Variants in PLCD1 observed in about 807,000 individuals in gnomAD.
The protein encoded by PLCD1 is 1-phosphatidylinositol 4,5-bisphosphate phosphodiesterase delta-1.
Under a neutral mutation model 87.4 loss-of-function variants are expected in PLCD1, and 71 were observed. The ratio of observed to expected loss-of-function variants is 0.81; its 90% CI spans 0.67 to 0.99. PLCD1 has a LOEUF of 0.99. Ranked by LOEUF, PLCD1 falls within the 50% of genes least tolerant of loss-of-function variation. PLCD1 has a pLI of 0.00. For missense variants in PLCD1, 867 were observed against 1,001.5 expected, an observed-to-expected ratio of 0.87 and a Z score of 1.81; for synonymous variants, 348 against 399.2, an observed-to-expected ratio of 0.87 and a Z score of 1.53.
At chr3:38,024,461 G>C in intron 1 of PLCD1, 1 of 1,600,036 alleles carries the variant, frequency 6.2e-7, no homozygotes, top group Non-Finnish European at 8.5e-7. Context: ...CTGCCTGCGC[G>C]GAGCCGGGTC....
chr3:38,024,418 T>A (rs764553838), intron 1 of PLCD1: 1 of 1,612,178 alleles, frequency 6.2e-7, no homozygotes, highest in Non-Finnish European at 8.5e-7. Flanking sequence ...CGGCTCCGGA[T>A]CCCCAGGCAC....
rs1469086103 is a variant in PLCD1, at chr3:38,017,609, T to C, written c.200-890A>G. 6.6e-6 allele frequency among the ~76,000 whole-genome samples: 1 copy of C among 152,106 alleles called. No homozygotes were observed. The highest frequency in any genetic ancestry group is 1.9e-4 in the East Asian group (1 of 5,170). ...CATGGCCTGGCCAGGAGCCAGTTCT[T>C]CCAGTCAGGCTCATGCTGTGCCTCC... is the stretch of plus-strand genomic sequence containing the variant. On this transcript the variant is annotated intron_variant, in intron 2 of 14. Transcript: ENST00000334661. This position sits in a 1 kb window ranked among gnomAD's most constrained non-coding sequence, Gnocchi z 4.7.
Position 38,007,766 on chromosome 3 carries a change from C to T in PLCD1, c.*7G>A. The stretch of plus-strand genomic sequence containing the variant: ...ACTCAGGGGGGACCCCACTGGCTTC[C>T]TCCAGCCTAGTCCTGGAGGGAGATC... On this transcript the variant is annotated 3_prime_UTR_variant, in exon 15 of 15. Transcript: ENST00000334661. The T allele has an allele frequency of 3.1e-6, 5 of 1,612,004 alleles. No homozygotes were observed. Among genetic ancestry groups the T allele is most frequent in the Non-Finnish European group, 4.2e-6 (5 of 1,178,232 alleles).
At chr3:38,009,625 T>C (rs753862085) in intron 9 of PLCD1, 28 bp downstream of exon 9, 32 of 1,613,552 alleles carry the variant, frequency 2.0e-5, no homozygotes, top group Non-Finnish European at 2.6e-5. Flanking sequence ...AGGCCCGGGC[T>C]GCCCCACCCC....
At chr3:38,007,981 C>G (rs1402493103) in intron 14 of PLCD1, 33 bp downstream of exon 14, 1 of 1,613,918 alleles carries the variant, frequency 6.2e-7, no homozygotes, top group South Asian at 1.1e-5. Flanking sequence ...CTGCTTCCCA[C>G]CACCTTGGCC....
At chr3:38,007,987 T>C in intron 14 of PLCD1, 27 bp downstream of exon 14, 1 of 1,614,006 alleles carries the variant, frequency 6.2e-7, no homozygotes, top group Non-Finnish European at 8.5e-7. Context: ...CCCACCACCT[T>C]GGCCATCCCC....
Position 38,008,077 on chromosome 3 carries a change from CAT to C in PLCD1, c.2120_2121del (p.Tyr707Ter). The C allele has an allele frequency of 6.2e-7, 1 of 1,614,192 alleles. No homozygotes were observed. Among genetic ancestry groups the C allele is most frequent in the South Asian group, 1.1e-5 (1 of 91,080 alleles). ...ATGAAGTCATTCTTGGAGGAGGCAT[CAT>C]AATCTTCCACCAAGAAGCGGATGAG... ...LALIRFLVED[Y>X]DASSKNDFIG... On this transcript the variant is annotated frameshift_variant, in exon 14 of 15. Coordinates refer to ENST00000334661, the MANE Select transcript of PLCD1 (RefSeq NM_006225.4). LOFTEE classifies it high-confidence loss of function.
chr3:38,008,734 A>G, intron 11 of PLCD1, 98 bp from the exon 12 acceptor site: 1 of 1,096,278 alleles, frequency 9.1e-7, no homozygotes, highest in Non-Finnish European at 1.4e-6. Flanking sequence ...TCACATGGTG[A>G]GTTAGCAGGG....
chr3:38,008,795 C>G, intron 11 of PLCD1, 159 bp from the exon 12 acceptor site: 1 of 709,004 alleles, frequency 1.4e-6, no homozygotes, highest in Non-Finnish European at 2.5e-6. Flanking sequence ...CAGTGACCCA[C>G]CATGCTAACC....
At chr3:38,019,671 G>T (rs1700204780) in intron 2 of PLCD1, among the ~76,000 whole-genome samples, 1 of 152,136 alleles carries the variant, frequency 6.6e-6, no homozygotes, top group South Asian at 2.1e-4. Flanking sequence ...AGACCCACAA[G>T]GGCTCCCCAG....
intron 5 of PLCD1, among the ~76,000 whole-genome samples, chr3:38,011,001 G>A (rs370658060): frequency 1.3e-5 from 2 of 152,360 alleles, no homozygotes; most frequent in African/African-American, 4.8e-5. Context: ...GGTGCCAAGA[G>A]GGAAACAGGA....
chr3:38,014,996 A>G (rs1700134030), intron 3 of PLCD1, among the ~76,000 whole-genome samples: 1 of 152,252 alleles, frequency 6.6e-6, no homozygotes, highest in South Asian at 2.1e-4. Flanking sequence ...ACCCTCGTAT[A>G]CTGCTGGTGG....
At chr3:38,020,155 C>T (rs773243069) in intron 2 of PLCD1, 33 bp downstream of exon 2, 1 of 1,599,206 alleles carries the variant, frequency 6.3e-7, no homozygotes. Context: ...ATTCCACACT[C>T]TATCCCCTCC....
In PLCD1 at chr3:38,009,755, A is replaced by G; in HGVS notation, c.1344T>C (p.Pro448=). The G allele has an allele frequency of 6.2e-7, 1 of 1,613,794 alleles. No individual in the cohort carries two copies. Among genetic ancestry groups the G allele is most frequent in the Non-Finnish European group, 8.5e-7 (1 of 1,179,778 alleles). The change falls in exon 9 of 15, where the codon CCT becomes CCC. Residue 448 remains proline, a synonymous_variant. Coordinates refer to ENST00000334661, the MANE Select transcript of PLCD1 (RefSeq NM_006225.4). ...KGKKLGGLLP[P]GGEGGPEATV... Reference sequence around the variant, plus strand: ...TGGCCTCAGGGCCACCCTCCCCTCCAGGGGGCAGGAGCCCCCCGAGCTTCT... The same window carrying G: ...TGGCCTCAGGGCCACCCTCCCCTCCGGGGGGCAGGAGCCCCCCGAGCTTCT...
intron 3 of PLCD1, among the ~76,000 whole-genome samples, chr3:38,013,452 A>G (rs1700113185): frequency 6.6e-6 from 1 of 152,046 alleles, no homozygotes; most frequent in African/African-American, 2.4e-5. Flanking sequence ...TGACCTGGTG[A>G]TCCACCTGCC....
Position 38,010,382 on chromosome 3 carries a change from CTGGG to C in PLCD1, c.967_970del (p.Pro323AlafsTer77). The C allele has an allele frequency of 6.2e-7, 1 of 1,614,218 alleles. No homozygotes were observed. Among genetic ancestry groups the C allele is most frequent in the Non-Finnish European group, 8.5e-7 (1 of 1,180,038 alleles). ...GCACCGGATGTAGGCTTCAGTGCTG[CTGGG>C]CCCGGCTAGCTGGTCCTCCAGCAGG... On this transcript the variant is annotated frameshift_variant, in exon 6 of 15. Transcript: ENST00000334661. LOFTEE classifies it high-confidence loss of function.
rs1473472182 is a variant in PLCD1, at chr3:38,011,136, G to T, written c.790+78C>A. 4 of 1,146,714 alleles carry T rather than the reference G, an allele frequency of 3.5e-6. No homozygotes were observed. The Admixed American group carries it at 6.4e-5, about 18-fold the overall frequency. The allele number at this position is 1,146,714 out of a possible 1,614,324, so 71.0% of individuals were successfully genotyped here. ...CCTTCCCTCCGGTTCCCTTCTTTCTGGCTGCAGTCTCCCCAGGGGTCTCCC... is the reference window on the plus strand; with the variant it reads ...CCTTCCCTCCGGTTCCCTTCTTTCTTGCTGCAGTCTCCCCAGGGGTCTCCC... On this transcript the variant is annotated intron_variant, in intron 5 of 14. Coordinates refer to ENST00000334661, the MANE Select transcript of PLCD1 (RefSeq NM_006225.4).
chr3:38,028,918 G>A (rs1428026613), intron 1 of PLCD1, among the ~76,000 whole-genome samples: 3 of 152,280 alleles, frequency 2.0e-5, no homozygotes, highest in Non-Finnish European at 4.4e-5. Context: ...GAGGGTCGCA[G>A]ATGAGGGGAT....
chr3:38,011,477 A>C, intron 4 of PLCD1, 32 bp from the exon 5 acceptor site: 5 of 1,613,816 alleles, frequency 3.1e-6, no homozygotes, highest in Non-Finnish European at 4.2e-6. Context: ...GTGGGCTCAG[A>C]GCAGGCCTTG....
Sources: gnomAD v4.1 joint callset for allele counts (sites outside exome capture counted in the v4.1 genomes callset) on GRCh38, gnomAD v4.1.1 for gene constraint, Gnocchi (gnomAD v3.1) non-coding constraint, MANE v1.5 for transcripts, NCBI Gene and HGNC (gene_info 2026-07-23, HGNC 2026-07-21) for gene names.